The following PTPRM variants were observed in gnomAD, a reference collection of about 807,000 sequenced individuals.
The protein encoded by PTPRM is receptor-type tyrosine-protein phosphatase mu.
PTPRM carries 47 observed loss-of-function variants against 186.7 expected under a neutral mutation model. The ratio of observed to expected loss-of-function variants is 0.25; its 90% CI spans 0.20 to 0.32. The LOEUF (loss-of-function observed/expected upper bound fraction) is 0.32. PTPRM is among the 10% of genes least tolerant of loss of function. The pLI is 1.00. For missense variants in PTPRM, 1,494 were observed against 1,865.0 expected, an observed-to-expected ratio of 0.80 and a Z score of 3.66; for synonymous variants, 668 against 674.9, an observed-to-expected ratio of 0.99 and a Z score of 0.16.
chr18:7,641,283 G>A (rs1435890808), intron 1 of PTPRM, among the ~76,000 whole-genome samples: 1 of 152,082 alleles, frequency 6.6e-6, no homozygotes, highest in East Asian at 1.9e-4. Flanking sequence ...GTATGTACGT[G>A]TGTCTGTTTA....
intron 1 of PTPRM, among the ~76,000 whole-genome samples, chr18:7,633,475 G>A (rs2038239188): frequency 6.6e-6 from 1 of 151,994 alleles, no homozygotes; most frequent in African/African-American, 2.4e-5. Context: ...TTCCTGGCAG[G>A]GAGTCTTGCC....
chr18:8,367,485 C>G (rs1360132076), intron 23 of PTPRM, among the ~76,000 whole-genome samples: 1 of 152,268 alleles, frequency 6.6e-6, no homozygotes, highest in Non-Finnish European at 1.5e-5. Context: ...TCATTGTTCC[C>G]TCGCTTCGCT....
chr18:8,029,851 T>A (rs1399198692), intron 7 of PTPRM, among the ~76,000 whole-genome samples: 1 of 152,200 alleles, frequency 6.6e-6, no homozygotes, highest in Non-Finnish European at 1.5e-5. Flanking sequence ...AGGATGAGAT[T>A]GAAACTTTCC....
chr18:7,780,563 T>A (rs775432198), intron 2 of PTPRM, among the ~76,000 whole-genome samples: 6 of 152,204 alleles, frequency 3.9e-5, no homozygotes, highest in Admixed American at 2.0e-4. Context: ...AAGCTCCCTG[T>A]TTTAGTCCTA....
At chr18:7,944,796 CT>C in intron 5 of PTPRM, among the ~76,000 whole-genome samples, 1 of 152,244 alleles carries the variant, frequency 6.6e-6, no homozygotes, top group East Asian at 1.9e-4. Context: ...TCTTTATTCC[CT>C]GCCTAAGAAA....
At chr18:7,571,833 G>A (rs905881177) in intron 1 of PTPRM, among the ~76,000 whole-genome samples, 2 of 152,034 alleles carry the variant, frequency 1.3e-5, no homozygotes, top group African/African-American at 4.8e-5. Flanking sequence ...CTGGGTGAAG[G>A]GTGTACTTGC....
intron 32 of PTPRM, among the ~76,000 whole-genome samples, chr18:8,399,132 C>G (rs897230100): frequency 6.6e-6 from 1 of 152,178 alleles, no homozygotes; most frequent in Non-Finnish European, 1.5e-5. Flanking sequence ...AGGAGCTGAG[C>G]AGAGGAGGCT....
chr18:7,826,087 G>A (rs1185416563), intron 2 of PTPRM, among the ~76,000 whole-genome samples: 3 of 152,182 alleles, frequency 2.0e-5, no homozygotes, highest in Non-Finnish European at 4.4e-5. Flanking sequence ...CGAGAGCTCA[G>A]GTACAATAGC....
At chr18:8,325,561 T>C (rs1354761025) in intron 22 of PTPRM, among the ~76,000 whole-genome samples, 1 of 152,254 alleles carries the variant, frequency 6.6e-6, no homozygotes, top group African/African-American at 2.4e-5. Flanking sequence ...TTATCCAGTC[T>C]ACTGTTCATG....
chr18:8,090,134 A>G (rs2090634120), intron 11 of PTPRM, among the ~76,000 whole-genome samples: 1 of 152,160 alleles, frequency 6.6e-6, no homozygotes, highest in Admixed American at 6.6e-5. Flanking sequence ...TGTGGGTGGC[A>G]CTGAGAGGTT....
intron 1 of PTPRM, among the ~76,000 whole-genome samples, chr18:7,732,647 CA>C (rs1461028839): frequency 6.6e-5 from 10 of 152,164 alleles, no homozygotes; most frequent in African/African-American, 1.9e-4. Context: ...GCTGGAACTA[CA>C]GGTATGCACC....
At chr18:7,876,139 CAT>C (rs1491138186) in intron 2 of PTPRM, among the ~76,000 whole-genome samples, 1 of 143,168 alleles carries the variant, frequency 7.0e-6, no homozygotes, top group African/African-American at 2.7e-5. Context: ...TGTGTGTGTG[CAT>C]GTGTGTGTGT....
chr18:8,196,460 G>A (rs1423063514), intron 14 of PTPRM, among the ~76,000 whole-genome samples: 8 of 152,336 alleles, frequency 5.3e-5, no homozygotes, highest in East Asian at 3.9e-4. Context: ...GAGGTGCTGC[G>A]CAGGTCAGCA....
chr18:8,257,106 C>A (rs904989537), intron 19 of PTPRM, among the ~76,000 whole-genome samples: 1 of 152,186 alleles, frequency 6.6e-6, no homozygotes, highest in East Asian at 1.9e-4. Flanking sequence ...AAGAGAGATG[C>A]GCAGGCATAC....
At chr18:7,690,480 G>A (rs1374307617) in intron 1 of PTPRM, among the ~76,000 whole-genome samples, 1 of 151,924 alleles carries the variant, frequency 6.6e-6, no homozygotes, top group African/African-American at 2.4e-5. Flanking sequence ...TGGCTTACTG[G>A]GCTGAGAGTA....
intron 7 of PTPRM, among the ~76,000 whole-genome samples, chr18:8,056,500 T>C (rs962761399): frequency 6.6e-6 from 1 of 152,002 alleles, no homozygotes. Flanking sequence ...CAAACACCTG[T>C]TTTCCCTGCT....
intron 2 of PTPRM, among the ~76,000 whole-genome samples, chr18:7,817,663 G>A (rs2044916618): frequency 6.6e-6 from 1 of 152,182 alleles, no homozygotes; most frequent in Non-Finnish European, 1.5e-5. Flanking sequence ...TTCTTGTACA[G>A]GGATGAACTT....
intron 1 of PTPRM, among the ~76,000 whole-genome samples, chr18:7,699,401 A>G (rs1224951406): frequency 1.3e-5 from 2 of 152,012 alleles, no homozygotes; most frequent in Non-Finnish European, 2.9e-5. Flanking sequence ...AAAAGCTATT[A>G]ATTTATTTTT....
intron 1 of PTPRM, among the ~76,000 whole-genome samples, chr18:7,654,685 A>G (rs28750977): frequency 0.32 from 49,324 of 152,076 alleles, 11,950 homozygotes; most frequent in African/African-American, 0.68. Context: ...CAGTTACACC[A>G]GTGCCATTTA....
Sources: gnomAD v4.1 joint callset for allele counts (sites outside exome capture counted in the v4.1 genomes callset) on GRCh38, gnomAD v4.1.1 for gene constraint, MANE v1.5 for transcripts, NCBI Gene and HGNC (gene_info 2026-07-23, HGNC 2026-07-21) for gene names.